AKT2: variants seen among roughly 807,000 people sequenced by gnomAD.
The protein encoded by AKT2 is AKT serine/threonine kinase 2.
Under a neutral mutation model 58.6 loss-of-function variants are expected in AKT2, and 16 were observed. The ratio of observed to expected loss-of-function variants is 0.27; its 90% CI spans 0.18 to 0.41. The LOEUF (loss-of-function observed/expected upper bound fraction) is 0.41. Ranked by LOEUF, AKT2 falls within the 10% of genes least tolerant of loss-of-function variation. The probability of loss-of-function intolerance (pLI) is 1.00; values close to 1 mark genes in which losing one functional copy is unlikely to be tolerated. For synonymous variants in AKT2, 253 were observed against 254.0 expected (o/e 1.00, Z 0.04); for missense variants, 438 against 661.0 (o/e 0.66, Z 3.70).
intron 2 of AKT2, among the ~76,000 whole-genome samples, chr19:40,259,427 T>C (rs762658967): frequency 3.3e-5 from 5 of 152,032 alleles, no homozygotes; most frequent in Non-Finnish European, 7.4e-5. Flanking sequence ...GTAAACCATA[T>C]ACAAAAATAA....
chr19:40,282,636 C>A, intron 1 of AKT2: 1 of 427,206 alleles, frequency 2.3e-6, no homozygotes, highest in Non-Finnish European at 4.9e-6. Flanking sequence ...TCCTTCCTTT[C>A]ACCCAGCCTG....
At chr19:40,253,869 A>G (rs984127352) in intron 4 of AKT2, among the ~76,000 whole-genome samples, 8 of 152,116 alleles carry the variant, frequency 5.3e-5, no homozygotes, top group African/African-American at 1.7e-4. Flanking sequence ...CAAAAAAAAA[A>G]GCAAAACATG....
chr19:40,264,582 G>A (rs1248433121), intron 2 of AKT2, among the ~76,000 whole-genome samples: 2 of 152,040 alleles, frequency 1.3e-5, no homozygotes, highest in Admixed American at 6.5e-5. Flanking sequence ...GAAAACACCA[G>A]GCACATCCCC....
At chr19:40,259,167 A>T (rs1309904355) in intron 2 of AKT2, among the ~76,000 whole-genome samples, 1 of 152,226 alleles carries the variant, frequency 6.6e-6, no homozygotes, top group Non-Finnish European at 1.5e-5. Context: ...CAGTTTCTTC[A>T]ACAAAGAGAC....
chr19:40,257,183 A>T, intron 2 of AKT2, 129 bp from the exon 3 acceptor site: 1 of 1,247,506 alleles, frequency 8.0e-7, no homozygotes, highest in Non-Finnish European at 1.1e-6. Context: ...TGCGGGGGAC[A>T]CACGAGAATG....
intron 1 of AKT2, chr19:40,270,522 G>A (rs913678112): frequency 3.3e-5 from 5 of 152,434 alleles, no homozygotes; most frequent in Non-Finnish European, 4.4e-5. Flanking sequence ...AGACAGCACA[G>A]ATGGGCTAGG....
At chr19:40,257,176 G>A (rs934275264) in intron 2 of AKT2, 122 bp from the exon 3 acceptor site, 7 of 1,314,326 alleles carry the variant, frequency 5.3e-6, no homozygotes, top group African/African-American at 4.4e-5. Context: ...GGGGAGGTGC[G>A]GGGGACACAC....
intron 1 of AKT2, among the ~76,000 whole-genome samples, chr19:40,271,500 T>C (rs2077216252): frequency 1.3e-5 from 2 of 149,820 alleles, no homozygotes; most frequent in Admixed American, 1.3e-4. Flanking sequence ...CATCTGCTCA[T>C]GGGAACTCAG....
rs1302850224 is a variant in AKT2 at position 40,232,279 on chromosome 19, C to A, written c.*1593G>T. ...CTGGGGCCCAGGGGTCTGACTCCAT[C>A]ACCAAGGCAAAGCCCAGAGTGGTTG... On this transcript the variant is annotated 3_prime_UTR_variant, in exon 14 of 14. Coordinates refer to ENST00000392038, the MANE Select transcript of AKT2 (RefSeq NM_001626.6). The A allele has an allele frequency of 1.3e-5, 3 of 233,788 alleles. No individual in the cohort carries two copies. Among genetic ancestry groups the A allele is most frequent in the Non-Finnish European group, 2.5e-5 (3 of 118,244 alleles). 14.5% of individuals were successfully genotyped at this position (233,788 alleles called of 1,614,324 possible).
intron 6 of AKT2, 47 bp from the exon 7 acceptor site, chr19:40,240,157 G>A (rs758086787): frequency 6.3e-7 from 1 of 1,576,378 alleles, no homozygotes; most frequent in Non-Finnish European, 8.7e-7. Context: ...CACCACACCT[G>A]CCCACTCCGC....
At chr19:40,274,635 G>A (rs2077275824) in intron 1 of AKT2, 1 of 226,732 alleles carries the variant, frequency 4.4e-6, no homozygotes, top group Non-Finnish European at 9.0e-6. Flanking sequence ...GGTGACAGAA[G>A]GGCGCACTGA....
chr19:40,233,776 G>A lies in AKT2; in HGVS notation c.*96C>T. On this transcript the variant is annotated 3_prime_UTR_variant, in exon 14 of 14. Transcript: ENST00000392038. This position sits in a 1 kb window ranked among gnomAD's most constrained non-coding sequence, Gnocchi z 4.3. ...GAAAGGGGGTGAGGAGGTGGGGGTGGGGACACAAACCAAAAAGGCTAAGTA... is the reference window on the plus strand; with the variant it reads ...GAAAGGGGGTGAGGAGGTGGGGGTGAGGACACAAACCAAAAAGGCTAAGTA... 2 of 1,204,452 alleles carry A rather than the reference G, an allele frequency of 1.7e-6. No individual in the cohort carries two copies. Among genetic ancestry groups the A allele is most frequent in the Non-Finnish European group, 2.4e-6 (2 of 837,484 alleles). 74.6% of individuals were successfully genotyped at this position (1,204,452 alleles called of 1,614,324 possible).
chr19:40,249,348 TGCCATGGGCA>T (rs1406201080), intron 4 of AKT2, among the ~76,000 whole-genome samples: 1 of 152,182 alleles, frequency 6.6e-6, no homozygotes, highest in Non-Finnish European at 1.5e-5. Flanking sequence ...GTGCCAAAGC[TGCCATGGGCA>T]GGCCCTGCGC....
chr19:40,253,995 A>G (rs1975355638), intron 4 of AKT2, among the ~76,000 whole-genome samples: 1 of 151,928 alleles, frequency 6.6e-6, no homozygotes, highest in Non-Finnish European at 1.5e-5. Flanking sequence ...AAAAAAAAAA[A>G]AAAAGGCAGC....
At chr19:40,271,443 A>C (rs908974884) in intron 1 of AKT2, among the ~76,000 whole-genome samples, 1 of 150,624 alleles carries the variant, frequency 6.6e-6, no homozygotes, top group Admixed American at 6.6e-5. Flanking sequence ...AAAAAAAAAA[A>C]AACCAAAAAA....
intron 4 of AKT2, among the ~76,000 whole-genome samples, chr19:40,252,410 ATGTTGTCT>A (rs1318863871): frequency 2.6e-5 from 4 of 152,204 alleles, no homozygotes; most frequent in African/African-American, 9.7e-5. Context: ...AGGAAAGGGC[ATGTTGTCT>A]TGTGAAAATG....
In AKT2 at chr19:40,231,462, G is replaced by A. The variant is rs747740909; in HGVS notation, c.*2410C>T. ...ACAAACTAAAAAACCCCAACCAAAC[G>A]AGTCCTAGCTGTAGCTAACTCTGAT... On this transcript the variant is annotated 3_prime_UTR_variant, in exon 14 of 14. Transcript: ENST00000392038. 2.0e-4 allele frequency: 46 copies of A among 233,130 alleles called. No individual in the cohort carries two copies. Among genetic ancestry groups the A allele is most frequent in the Non-Finnish European group, 3.0e-4 (35 of 118,052 alleles). 14.4% of individuals were successfully genotyped at this position (233,130 alleles called of 1,614,324 possible).
chr19:40,260,480 A>G (rs1975856314), intron 2 of AKT2, among the ~76,000 whole-genome samples: 1 of 151,828 alleles, frequency 6.6e-6, no homozygotes, highest in Non-Finnish European at 1.5e-5. Flanking sequence ...AAATATAAAA[A>G]TTAGCCAGGC....
In AKT2 at chr19:40,234,779, G is replaced by A. The variant is rs1014871153; in HGVS notation, c.1366+266C>T. ...AGAACCCAAACAGCTGTAAAGCAGT[G>A]AACCCAGCCAGGCTCAGGGACCGGG... is the stretch of plus-strand genomic sequence containing the variant. On this transcript the variant is annotated intron_variant, in intron 13 of 13. Coordinates refer to ENST00000392038, the MANE Select transcript of AKT2 (RefSeq NM_001626.6). This position sits in a 1 kb window ranked among gnomAD's most constrained non-coding sequence, Gnocchi z 4.7. 51 of 615,962 alleles carry A rather than the reference G, an allele frequency of 8.3e-5. No individual in the cohort carries two copies. The highest frequency in any genetic ancestry group is 1.2e-4 in the Non-Finnish European group (43 of 346,346). 38.2% of individuals were successfully genotyped at this position (615,962 alleles called of 1,614,324 possible).
Sources: gnomAD v4.1 joint callset for allele counts (sites outside exome capture counted in the v4.1 genomes callset) on GRCh38, gnomAD v4.1.1 for gene constraint, Gnocchi (gnomAD v3.1) non-coding constraint, MANE v1.5 for transcripts, NCBI Gene and HGNC (gene_info 2026-07-23, HGNC 2026-07-21) for gene names.